The following CDH20 variants were observed in gnomAD, a reference collection of about 807,000 sequenced individuals.
CDH20 encodes cadherin-20.
A neutral mutation model predicts 74.2 loss-of-function variants in CDH20; 29 were observed. The ratio of observed to expected loss-of-function variants is 0.39; its 90% CI spans 0.29 to 0.53. CDH20 has a LOEUF of 0.53. Among genes scored for constraint, CDH20 ranks in the 20% least tolerant of loss-of-function variants. The probability of loss-of-function intolerance (pLI) is 0.69; values close to 1 mark genes in which losing one functional copy is unlikely to be tolerated. For synonymous variants in CDH20, 469 were observed against 405.4 expected, an observed-to-expected ratio of 1.16 and a Z score of -1.88; for missense variants, 988 against 1,048.3, an observed-to-expected ratio of 0.94 and a Z score of 0.79.
intron 1 of CDH20, among the ~76,000 whole-genome samples, chr18:61,465,800 C>T (rs572479120): frequency 1.3e-5 from 2 of 152,088 alleles, no homozygotes; most frequent in African/African-American, 4.8e-5. Flanking sequence ...TAGTGACCCA[C>T]CAAGATATGG....
At chr18:61,356,456 C>T (rs1159880966) in intron 1 of CDH20, among the ~76,000 whole-genome samples, 2 of 152,078 alleles carry the variant, frequency 1.3e-5, no homozygotes, top group East Asian at 3.8e-4. Flanking sequence ...TTTAATAATA[C>T]TAAAATGAAG....
At chr18:61,458,475 T>G (rs1482389016) in intron 1 of CDH20, among the ~76,000 whole-genome samples, 1 of 152,090 alleles carries the variant, frequency 6.6e-6, no homozygotes, top group African/African-American at 2.4e-5. Context: ...CACAGCCCTC[T>G]CCCTTCCAGA....
intron 1 of CDH20, among the ~76,000 whole-genome samples, chr18:61,470,885 C>T (rs1910149561): frequency 4.0e-5 from 6 of 151,552 alleles, no homozygotes; most frequent in Admixed American, 3.3e-4. Context: ...CTCTTTCTCT[C>T]CCTCCCTCCC....
intron 6 of CDH20, among the ~76,000 whole-genome samples, chr18:61,515,672 C>A (rs1169445475): frequency 2.0e-5 from 3 of 149,046 alleles, no homozygotes; most frequent in African/African-American, 7.5e-5. Flanking sequence ...AGTAAACTAT[C>A]GCAAGAACAA....
At chr18:61,536,253 C>T (rs924897698) in intron 7 of CDH20, among the ~76,000 whole-genome samples, 1 of 152,134 alleles carries the variant, frequency 6.6e-6, no homozygotes, top group Non-Finnish European at 1.5e-5. Context: ...CCAAGACTGT[C>T]GGCACCCTGT....
chr18:61,434,199 A>T (rs1025591038), intron 1 of CDH20, among the ~76,000 whole-genome samples: 3 of 152,176 alleles, frequency 2.0e-5, no homozygotes. Context: ...GCCTCATGAC[A>T]TAAATCTTGT....
chr18:61,349,979 G>T (rs920988270), intron 1 of CDH20, among the ~76,000 whole-genome samples: 2 of 152,128 alleles, frequency 1.3e-5, no homozygotes, highest in African/African-American at 4.8e-5. Context: ...ACTCAAGCAC[G>T]AAGAAATCAC....
intron 1 of CDH20, among the ~76,000 whole-genome samples, chr18:61,478,902 C>T (rs936418080): frequency 3.3e-5 from 5 of 152,016 alleles, no homozygotes; most frequent in African/African-American, 1.2e-4. Flanking sequence ...ATTTCCACTT[C>T]CTTGATCCTG....
intron 7 of CDH20, among the ~76,000 whole-genome samples, chr18:61,530,236 A>G (rs999246034): frequency 9.9e-5 from 15 of 152,196 alleles, no homozygotes; most frequent in Admixed American, 2.6e-4. Context: ...CCCTGGACCC[A>G]AGAAGAACAC....
chr18:61,498,314 C>T (rs569373852), intron 2 of CDH20, among the ~76,000 whole-genome samples: 12 of 151,722 alleles, frequency 7.9e-5, no homozygotes, highest in South Asian at 4.2e-4. Context: ...GCAGGAGAAT[C>T]GCTTCAACCT....
intron 7 of CDH20, among the ~76,000 whole-genome samples, chr18:61,532,712 C>T (rs1210042005): frequency 1.3e-5 from 2 of 152,150 alleles, no homozygotes; most frequent in Non-Finnish European, 2.9e-5. Context: ...CACTAAGCTA[C>T]ATCTGAAAAA....
intron 1 of CDH20, among the ~76,000 whole-genome samples, chr18:61,381,994 G>A (rs552091561): frequency 6.6e-6 from 1 of 152,072 alleles, no homozygotes; most frequent in South Asian, 2.1e-4. Flanking sequence ...CACAACTTCT[G>A]CTACTTCCAT....
At chr18:61,380,341 C>T (rs1335605852) in intron 1 of CDH20, among the ~76,000 whole-genome samples, 1 of 152,004 alleles carries the variant, frequency 6.6e-6, no homozygotes, top group African/African-American at 2.4e-5. Context: ...GAATTCAAAC[C>T]GCACATATAT....
At chr18:61,347,953 A>G (rs574745324) in intron 1 of CDH20, among the ~76,000 whole-genome samples, 4 of 152,288 alleles carry the variant, frequency 2.6e-5, no homozygotes, top group African/African-American at 7.2e-5. Flanking sequence ...GAACTCAAAC[A>G]TAGTTTTATT....
intron 6 of CDH20, among the ~76,000 whole-genome samples, chr18:61,516,471 A>T (rs1912008176): frequency 6.6e-6 from 1 of 152,198 alleles, no homozygotes; most frequent in Non-Finnish European, 1.5e-5. Context: ...GGGAATACTT[A>T]ATCCTCCTTA....
chr18:61,435,831 A>G (rs1908814218), intron 1 of CDH20, among the ~76,000 whole-genome samples: 1 of 152,000 alleles, frequency 6.6e-6, no homozygotes, highest in Non-Finnish European at 1.5e-5. Context: ...GTTTTTTAAT[A>G]TATTCACATA....
At chr18:61,537,400 T>C (rs1912850331) in intron 8 of CDH20, among the ~76,000 whole-genome samples, 1 of 152,156 alleles carries the variant, frequency 6.6e-6, no homozygotes, top group Admixed American at 6.5e-5. Context: ...GCCATGTTAT[T>C]TTAAAATAAG....
In CDH20 at chr18:61,442,461, T is replaced by C. The variant is rs73963098; in HGVS notation, c.-152-47941T>C. Among the ~76,000 whole-genome samples, 583 of 151,868 alleles carry C rather than the reference T, an allele frequency of 3.8e-3. 1 individual carries two copies. The highest frequency in any genetic ancestry group is 0.013 in the African/African-American group (557 of 41,414). ...ACATCACAGTGGTTTTCCAGAACTTTACCTAAGTCTGGCCAAATGAGGGCT... is the reference window on the plus strand; with the variant it reads ...ACATCACAGTGGTTTTCCAGAACTTCACCTAAGTCTGGCCAAATGAGGGCT... On this transcript the variant is annotated intron_variant, in intron 1 of 11. Transcript: ENST00000262717.
At chr18:61,498,030 A>G (rs1911231288) in intron 2 of CDH20, among the ~76,000 whole-genome samples, 1 of 152,220 alleles carries the variant, frequency 6.6e-6, no homozygotes, top group African/African-American at 2.4e-5. Flanking sequence ...TTAATTAGAT[A>G]TTACAGATGC....
Sources: gnomAD v4.1 joint callset for allele counts (sites outside exome capture counted in the v4.1 genomes callset) on GRCh38, gnomAD v4.1.1 for gene constraint, MANE v1.5 for transcripts, NCBI Gene and HGNC (gene_info 2026-07-23, HGNC 2026-07-21) for gene names.